Variants in CTNNA2 observed in about 807,000 individuals in gnomAD.
CTNNA2 encodes catenin alpha-2.
CTNNA2 carries 42 observed loss-of-function variants against 101.0 expected under a neutral mutation model. The observed-to-expected ratio is 0.42, with a 90% confidence interval of 0.32 to 0.54. CTNNA2 has a LOEUF of 0.54. Ranked by LOEUF, CTNNA2 falls within the 20% of genes least tolerant of loss-of-function variation. The pLI, the probability that CTNNA2 is intolerant of heterozygous loss-of-function variation, is 0.14. For synonymous variants in CTNNA2, 450 were observed against 456.4 expected, an observed-to-expected ratio of 0.99 and a Z score of 0.18; for missense variants, 871 against 1,223.1, an observed-to-expected ratio of 0.71 and a Z score of 4.29.
intron 1 of CTNNA2, among the ~76,000 whole-genome samples, chr2:79,549,616 C>T (rs1305129841): frequency 6.6e-6 from 1 of 152,126 alleles, no homozygotes; most frequent in Non-Finnish European, 1.5e-5. Flanking sequence ...TGGCTAAATA[C>T]ATGAAGCTAT....
At chr2:79,935,607 T>G (rs1465059270) in intron 7 of CTNNA2, among the ~76,000 whole-genome samples, 2 of 152,202 alleles carry the variant, frequency 1.3e-5, no homozygotes, top group African/African-American at 4.8e-5. Context: ...AAATTCTACA[T>G]TTCAAATATC....
intron 18 of CTNNA2, among the ~76,000 whole-genome samples, chr2:80,626,095 A>G (rs909933666): frequency 6.6e-6 from 1 of 152,006 alleles, no homozygotes; most frequent in Admixed American, 6.6e-5. Flanking sequence ...AAATTGTTAT[A>G]TAATTATATA....
At chr2:79,669,821 C>A (rs58007297) in intron 2 of CTNNA2, among the ~76,000 whole-genome samples, 44,418 of 151,988 alleles carry the variant, frequency 0.29, 7,028 homozygotes, top group East Asian at 0.7. Flanking sequence ...GAGCCCAGGG[C>A]TTTTATTGAC....
intron 2 of CTNNA2, among the ~76,000 whole-genome samples, chr2:79,214,179 C>G (rs1214018240): frequency 7.9e-5 from 12 of 152,148 alleles, no homozygotes; most frequent in Admixed American, 7.2e-4. Context: ...GAAATTTAGG[C>G]TTGACTGAAG....
At chr2:79,870,347 A>G (rs1191537718) in intron 5 of CTNNA2, among the ~76,000 whole-genome samples, 3 of 152,004 alleles carry the variant, frequency 2.0e-5, no homozygotes, top group African/African-American at 7.2e-5. Flanking sequence ...ATACACTCCC[A>G]GGATATGTAG....
chr2:80,452,010 A>G (rs1009905573), intron 9 of CTNNA2, among the ~76,000 whole-genome samples: 2 of 152,262 alleles, frequency 1.3e-5, no homozygotes, highest in African/African-American at 4.8e-5. Context: ...GTTATATATC[A>G]AAGCATATTA....
At chr2:79,977,674 T>C (rs1377700378) in intron 7 of CTNNA2, among the ~76,000 whole-genome samples, 1 of 152,150 alleles carries the variant, frequency 6.6e-6, no homozygotes, top group African/African-American at 2.4e-5. Flanking sequence ...AAATGTAGAT[T>C]TTTCTCTGTT....
intron 7 of CTNNA2, among the ~76,000 whole-genome samples, chr2:80,294,215 G>T (rs1230906461): frequency 6.6e-6 from 1 of 152,178 alleles, no homozygotes. Context: ...GAGTCTTCTT[G>T]CCTTAAAAAT....
intron 2 of CTNNA2, among the ~76,000 whole-genome samples, chr2:79,288,130 G>A (rs12472521): frequency 0.51 from 77,242 of 152,122 alleles, 21,584 homozygotes; most frequent in East Asian, 0.7. Context: ...CGCACCCACT[G>A]ACCTGTGCCC....
At chr2:79,417,840 C>A (rs1181359318) in intron 4 of CTNNA2, among the ~76,000 whole-genome samples, 1 of 152,066 alleles carries the variant, frequency 6.6e-6, no homozygotes, top group Non-Finnish European at 1.5e-5. Context: ...AAGTTATAAC[C>A]ACCTAACAGG....
chr2:80,602,653 T>G (rs1697653188), intron 15 of CTNNA2, among the ~76,000 whole-genome samples: 1 of 152,074 alleles, frequency 6.6e-6, no homozygotes, highest in Non-Finnish European at 1.5e-5. Flanking sequence ...TTTGCGCTAA[T>G]AAAAATATGT....
intron 3 of CTNNA2, among the ~76,000 whole-genome samples, chr2:79,829,467 G>C (rs914279623): frequency 1.3e-5 from 2 of 150,788 alleles, no homozygotes; most frequent in African/African-American, 2.4e-5. Flanking sequence ...CTACTCCAGA[G>C]GTTGAGGCAG....
At chr2:79,900,918 A>G (rs1232919273) in intron 6 of CTNNA2, among the ~76,000 whole-genome samples, 1 of 152,174 alleles carries the variant, frequency 6.6e-6, no homozygotes, top group East Asian at 1.9e-4. Flanking sequence ...TGTACCCCAT[A>G]AATAGATACA....
At chr2:80,313,425 G>A (rs766204240) in intron 7 of CTNNA2, 485 of 1,475,314 alleles carry the variant, frequency 3.3e-4, no homozygotes, top group Non-Finnish European at 4.3e-4. Context: ...TGTGTTCACA[G>A]TTCTGGAGTG....
chr2:79,486,967 C>A (rs982478204), intron 4 of CTNNA2, among the ~76,000 whole-genome samples: 4 of 152,198 alleles, frequency 2.6e-5, no homozygotes, highest in African/African-American at 9.7e-5. Context: ...ATATAGGCAG[C>A]ATGCTACACA....
At chr2:79,984,743 T>C (rs1287663558) in intron 7 of CTNNA2, among the ~76,000 whole-genome samples, 2 of 152,020 alleles carry the variant, frequency 1.3e-5, no homozygotes, top group African/African-American at 4.8e-5. Flanking sequence ...CCATTATTGC[T>C]CCCTGACCCA....
chr2:79,604,375 G>A (rs1677747802), intron 1 of CTNNA2, among the ~76,000 whole-genome samples: 1 of 152,202 alleles, frequency 6.6e-6, no homozygotes, highest in African/African-American at 2.4e-5. Context: ...ATCTTTGAGA[G>A]ATGAGCCATA....
intron 7 of CTNNA2, chr2:80,298,751 GAA>G (rs1352409629): frequency 2.0e-5 from 3 of 152,210 alleles, no homozygotes; most frequent in African/African-American, 7.2e-5. Context: ...AAATGGTTGA[GAA>G]AACTATTTCC....
chr2:80,353,523 T>C (rs1673509883), intron 7 of CTNNA2, among the ~76,000 whole-genome samples: 1 of 152,154 alleles, frequency 6.6e-6, no homozygotes, highest in African/African-American at 2.4e-5. Flanking sequence ...AAAATGTATA[T>C]AACACAAAGA....
Sources: gnomAD v4.1 joint callset for allele counts (sites outside exome capture counted in the v4.1 genomes callset) on GRCh38, gnomAD v4.1.1 for gene constraint, MANE v1.5 for transcripts, NCBI Gene and HGNC (gene_info 2026-07-23, HGNC 2026-07-21) for gene names.